Variants in COG5 observed in about 807,000 individuals in gnomAD.
COG5 encodes conserved oligomeric Golgi complex subunit 5.
A neutral mutation model predicts 110.4 loss-of-function variants in COG5; 86 were observed. That is an observed-to-expected ratio of 0.78 (90% CI 0.65 to 0.93). The LOEUF (loss-of-function observed/expected upper bound fraction) is 0.93. COG5 is among the 40% of genes least tolerant of loss of function. The pLI is 0.00. For missense variants in COG5, 1,077 were observed against 987.0 expected (o/e 1.09, Z -1.22); for synonymous variants, 360 against 334.6 (o/e 1.08, Z -0.83).
chr7:107,255,804 G>C (rs1008084037), intron 16 of COG5, among the ~76,000 whole-genome samples: 1 of 152,020 alleles, frequency 6.6e-6, no homozygotes, highest in African/African-American at 2.4e-5. Context: ...AGGTAGTTTG[G>C]CTCCAAAGTC....
chr7:107,517,808 C>G (rs976136795), intron 6 of COG5, among the ~76,000 whole-genome samples: 5 of 152,026 alleles, frequency 3.3e-5, no homozygotes, highest in African/African-American at 1.2e-4. Flanking sequence ...AGTGATTCTC[C>G]TGCCTCAGCC....
At chr7:107,451,414 A>G (rs944241149) in intron 6 of COG5, among the ~76,000 whole-genome samples, 2 of 152,220 alleles carry the variant, frequency 1.3e-5, no homozygotes, top group Non-Finnish European at 2.9e-5. Flanking sequence ...CTTTTATAAC[A>G]TGGACCCTTC....
chr7:107,505,531 T>A (rs1019246310), intron 6 of COG5, among the ~76,000 whole-genome samples: 1 of 152,170 alleles, frequency 6.6e-6, no homozygotes, highest in Admixed American at 6.5e-5. Flanking sequence ...GGTATACCCA[T>A]GCCAAGCTCC....
At chr7:107,387,439 G>C (rs1269955406) in intron 7 of COG5, among the ~76,000 whole-genome samples, 1 of 152,216 alleles carries the variant, frequency 6.6e-6, no homozygotes, top group African/African-American at 2.4e-5. Flanking sequence ...CAGCTCCGCA[G>C]GAAGCCCAGG....
chr7:107,516,230 G>C (rs905832980), intron 6 of COG5, among the ~76,000 whole-genome samples: 15 of 152,056 alleles, frequency 9.9e-5, no homozygotes, highest in African/African-American at 3.6e-4. Context: ...AATGCCTAAC[G>C]ATGTTGAGCA....
At chr7:107,517,823 G>C (rs1229061272) in intron 6 of COG5, among the ~76,000 whole-genome samples, 3 of 151,692 alleles carry the variant, frequency 2.0e-5, no homozygotes, top group African/African-American at 7.3e-5. Flanking sequence ...TCAGCCTCCT[G>C]AGTAGCTGGG....
intron 6 of COG5, among the ~76,000 whole-genome samples, chr7:107,434,224 G>A (rs1417875389): frequency 6.6e-6 from 1 of 152,164 alleles, no homozygotes; most frequent in Non-Finnish European, 1.5e-5. Flanking sequence ...GTCTAGAAAT[G>A]CAAAATGGTG....
intron 6 of COG5, among the ~76,000 whole-genome samples, chr7:107,479,526 A>C (rs946859391): frequency 6.6e-6 from 1 of 152,122 alleles, no homozygotes; most frequent in Non-Finnish European, 1.5e-5. Context: ...GTGACAGGCA[A>C]CGTGAAGGCA....
chr7:107,258,354 C>G lies in COG5; in HGVS notation c.1605G>C (p.Val535=), dbSNP rs1253792994. The change falls in exon 15 of 22, where the codon GTG becomes GTC. Residue 535 remains valine, a synonymous_variant. Coordinates refer to ENST00000297135, the MANE Select transcript of COG5 (RefSeq NM_006348.5). Reference sequence around the variant, plus strand: ...TCTGTCCTTCAGTAAGAGGCCCAATCACCTGACTTGCATCTCCTTGTGTGG... The same window carrying G: ...TCTGTCCTTCAGTAAGAGGCCCAATGACCTGACTTGCATCTCCTTGTGTGG... ...LLSTQGDASQ[V]IGPLTEGQRR... is the part of the protein sequence containing the mutation. 1.2e-6 allele frequency: 2 copies of G among 1,612,168 alleles called. No homozygotes were observed. Among genetic ancestry groups the G allele is most frequent in the African/African-American group, 2.7e-5 (2 of 74,832 alleles).
intron 3 of COG5, among the ~76,000 whole-genome samples, chr7:107,552,791 T>C (rs142308841): frequency 2.0e-5 from 3 of 152,264 alleles, no homozygotes; most frequent in East Asian, 1.9e-4. Flanking sequence ...AATAAATTGT[T>C]CCACCATAAA....
At chr7:107,330,682 C>CA (rs765799690) in intron 10 of COG5, among the ~76,000 whole-genome samples, 17 of 152,120 alleles carry the variant, frequency 1.1e-4, no homozygotes, top group Non-Finnish European at 1.6e-4. Context: ...GACTTAAATC[C>CA]AAGGTCTACC....
chr7:107,505,609 C>T (rs1366989381), intron 6 of COG5, among the ~76,000 whole-genome samples: 1 of 152,204 alleles, frequency 6.6e-6, no homozygotes, highest in Non-Finnish European at 1.5e-5. Context: ...TTCTCCAAGG[C>T]TATTCACAAG....
intron 11 of COG5, among the ~76,000 whole-genome samples, chr7:107,301,093 A>G (rs1807227759): frequency 6.6e-6 from 1 of 152,196 alleles, no homozygotes; most frequent in South Asian, 2.1e-4. Context: ...TTGAATAGCT[A>G]TATGCAAAAA....
At chr7:107,410,508 T>A (rs1019105761) in intron 7 of COG5, among the ~76,000 whole-genome samples, 1 of 152,132 alleles carries the variant, frequency 6.6e-6, no homozygotes. Context: ...GATGGCAGGA[T>A]CTCGGCTCAC....
chr7:107,299,348 C>G (rs1317512430), intron 11 of COG5, among the ~76,000 whole-genome samples: 1 of 151,980 alleles, frequency 6.6e-6, no homozygotes, highest in East Asian at 1.9e-4. Flanking sequence ...GATCTCATTA[C>G]ATATTACAAA....
intron 12 of COG5, 38 bp downstream of exon 12, chr7:107,298,104 T>G (rs1806912840): frequency 9.8e-7 from 1 of 1,023,122 alleles, no homozygotes; most frequent in African/African-American, 1.7e-5. Context: ...AAAATAAAAT[T>G]AAGATGCCAA....
intron 6 of COG5, among the ~76,000 whole-genome samples, chr7:107,447,397 AT>A (rs1396974878): frequency 6.6e-6 from 1 of 152,204 alleles, no homozygotes; most frequent in African/African-American, 2.4e-5. Context: ...GAAATAGGAC[AT>A]GGACATCTTT....
At chr7:107,497,056 A>G (rs1423874748) in intron 6 of COG5, among the ~76,000 whole-genome samples, 1 of 152,014 alleles carries the variant, frequency 6.6e-6, no homozygotes, top group Non-Finnish European at 1.5e-5. Flanking sequence ...CCAAATAAAA[A>G]TTAAAAATTA....
chr7:107,328,025 A>G (rs77829121), intron 10 of COG5, among the ~76,000 whole-genome samples: 25,266 of 152,234 alleles, frequency 0.17, 2,403 homozygotes, highest in Non-Finnish European at 0.22. Flanking sequence ...CCAAGAGATG[A>G]TAACAACCCA....
Sources: allele counts gnomAD v4.1 joint callset (sites outside exome capture counted in the v4.1 genomes callset), GRCh38; gene constraint gnomAD v4.1.1; transcripts MANE v1.5; gene names NCBI Gene and HGNC (gene_info 2026-07-23, HGNC 2026-07-21).